Variants in CACNA1C observed in about 807,000 individuals in gnomAD.
CACNA1C encodes the protein voltage-dependent L-type calcium channel subunit alpha-1C.
Under a neutral mutation model 229.0 loss-of-function variants are expected in CACNA1C, and 30 were observed. That is an observed-to-expected ratio of 0.13 (90% CI 0.10 to 0.18). The LOEUF is 0.18. Ranked by LOEUF, CACNA1C falls within the 10% of genes least tolerant of loss-of-function variation. CACNA1C has a pLI of 1.00. For synonymous variants in CACNA1C, 1,114 were observed against 1,132.5 expected (o/e 0.98, Z 0.33); for missense variants, 1,658 against 2,845.0 (o/e 0.58, Z 9.49).
intron 29 of CACNA1C, among the ~76,000 whole-genome samples, chr12:2,617,246 A>T (rs896106072): frequency 8.5e-5 from 13 of 152,274 alleles, no homozygotes; most frequent in African/African-American, 3.1e-4. Context: ...GGTGAATGAG[A>T]TGCTACCAGA....
chr12:2,563,213 A>G (rs1364530358), intron 11 of CACNA1C, among the ~76,000 whole-genome samples: 2 of 152,192 alleles, frequency 1.3e-5, no homozygotes, highest in Non-Finnish European at 2.9e-5. Flanking sequence ...ACAGAATTTC[A>G]TTCTTTTTTA....
In CACNA1C at chr12:2,677,762, G is replaced by T. The variant is rs1181211424; in HGVS notation, c.4986G>T (p.Gly1662=). The T allele has an allele frequency of 1.9e-6, 3 of 1,613,890 alleles. No homozygotes were observed. In the East Asian group the frequency reaches 6.7e-5, roughly 36 times the overall value. The change falls in exon 41 of 47, where the codon GGG becomes GGT. Residue 1662 remains glycine (G), a synonymous_variant. Coordinates refer to ENST00000399655, the MANE Select transcript of CACNA1C (RefSeq NM_000719.7). This position sits in a 1 kb window ranked among gnomAD's most constrained non-coding sequence, Gnocchi z 7.4. Reference sequence around the variant, plus strand: ...GCTTGCGCACACTGCATGACATCGGGCCTGAGATCCGACGGGCCATCTCTG... The same window carrying T: ...GCTTGCGCACACTGCATGACATCGGTCCTGAGATCCGACGGGCCATCTCTG... The part of the protein sequence containing the change: ...QAGLRTLHDI[G]PEIRRAISGD...
chr12:2,551,864 T>A (rs2099904750), intron 10 of CACNA1C, among the ~76,000 whole-genome samples: 1 of 151,030 alleles, frequency 6.6e-6, no homozygotes, highest in Non-Finnish European at 1.5e-5. Context: ...GAGGCAGAAG[T>A]GAAATCTGAA....
chr12:2,442,595 T>C (rs1296031722), intron 3 of CACNA1C, among the ~76,000 whole-genome samples: 1 of 152,160 alleles, frequency 6.6e-6, no homozygotes, highest in East Asian at 1.9e-4. Context: ...CCAGCCTGTA[T>C]TGGGCCGTTG....
intron 3 of CACNA1C, among the ~76,000 whole-genome samples, chr12:2,252,489 A>G (rs553359643): frequency 2.5e-4 from 38 of 152,290 alleles, no homozygotes; most frequent in African/African-American, 7.2e-4. Flanking sequence ...GAAAGCAGCA[A>G]CCGTGCAGCT....
chr12:2,296,432 A>G (rs11615601), intron 3 of CACNA1C, among the ~76,000 whole-genome samples: 6,564 of 152,316 alleles, frequency 0.043, 176 homozygotes, highest in Middle Eastern at 0.065. Context: ...GGGGAGTCCA[A>G]GATCATTTGC....
chr12:2,651,834 T>C lies in CACNA1C; in HGVS notation c.4074+66T>C. The C allele has an allele frequency of 3.8e-6, 5 of 1,331,220 alleles. No homozygotes were observed. The highest frequency in any genetic ancestry group is 5.2e-6 in the Non-Finnish European group (5 of 968,822). The allele number at this position is 1,331,220 out of a possible 1,614,324, so 82.5% of individuals were successfully genotyped here. A position where few individuals can be genotyped will look rare whatever the true frequency, so the allele number is the denominator to read the frequency against. ...GCTGCCGCGTGGCCCAGAACACAGC[T>C]GACACAAGGAGGAGCCCTCCACTCT... On this transcript the variant is annotated intron_variant, in intron 32 of 46. Transcript: ENST00000399655. The surrounding 1 kb of genome is among the most constrained non-coding windows in gnomAD (Gnocchi z 5.4).
At chr12:2,147,166 G>C (rs944447859) in intron 3 of CACNA1C, among the ~76,000 whole-genome samples, 1 of 151,360 alleles carries the variant, frequency 6.6e-6, no homozygotes. Context: ...CTGAGAGAGG[G>C]GGGGAACCTC....
intron 3 of CACNA1C, among the ~76,000 whole-genome samples, chr12:2,196,561 A>G (rs1308779360): frequency 6.6e-6 from 1 of 152,252 alleles, no homozygotes; most frequent in Non-Finnish European, 1.5e-5. Flanking sequence ...AGTGCATAAC[A>G]CAGCTGACAC....
intron 5 of CACNA1C, among the ~76,000 whole-genome samples, chr12:2,469,076 G>T (rs2099576099): frequency 6.6e-6 from 1 of 152,186 alleles, no homozygotes; most frequent in Admixed American, 6.5e-5. Flanking sequence ...TGCCATTTCT[G>T]TTGGGGGTAC....
intron 1 of CACNA1C, among the ~76,000 whole-genome samples, chr12:2,065,522 G>GT (rs67597600): frequency 0.75 from 113,751 of 152,074 alleles, 43,200 homozygotes; most frequent in South Asian, 0.88. Context: ...TATCTTCAAG[G>GT]TACAGCCCTC....
chr12:2,498,130 C>T (rs1220403789), intron 7 of CACNA1C, among the ~76,000 whole-genome samples: 1 of 152,192 alleles, frequency 6.6e-6, no homozygotes, highest in Non-Finnish European at 1.5e-5. Flanking sequence ...TTCACAAAGC[C>T]ACCTCCTTTC....
At chr12:2,061,672 G>A (rs1312470376) in intron 1 of CACNA1C, among the ~76,000 whole-genome samples, 1 of 152,106 alleles carries the variant, frequency 6.6e-6, no homozygotes, top group Non-Finnish European at 1.5e-5. Context: ...GCCTGGCTTC[G>A]GCCTCAAGTC....
intron 43 of CACNA1C, among the ~76,000 whole-genome samples, chr12:2,683,535 C>A (rs1181910301): frequency 1.3e-5 from 2 of 152,208 alleles, no homozygotes; most frequent in African/African-American, 4.8e-5. Flanking sequence ...GGGCATATGT[C>A]ATTTCAATTT....
intron 3 of CACNA1C, among the ~76,000 whole-genome samples, chr12:2,383,335 T>G (rs74905168): frequency 0.056 from 8,565 of 152,256 alleles, 335 homozygotes; most frequent in South Asian, 0.086. Flanking sequence ...TTTCCCCCTT[T>G]GCCTGGTCTT....
chr12:2,025,735 A>G (rs727527), intron 1 of CACNA1C, among the ~76,000 whole-genome samples: 1 of 151,902 alleles, frequency 6.6e-6, no homozygotes, highest in African/African-American at 2.4e-5. Flanking sequence ...ATTCTCCCCA[A>G]ATTTCTTTCA....
chr12:2,147,995 T>C (rs1304496534), intron 3 of CACNA1C, among the ~76,000 whole-genome samples: 1 of 151,314 alleles, frequency 6.6e-6, no homozygotes, highest in African/African-American at 2.4e-5. Flanking sequence ...TCTAGGCTTC[T>C]AAAAATTGTA....
At chr12:2,611,576 G>T (rs138258547) in intron 28 of CACNA1C, among the ~76,000 whole-genome samples, 1 of 152,096 alleles carries the variant, frequency 6.6e-6, no homozygotes, top group South Asian at 2.1e-4. Context: ...AAGGTGTGGC[G>T]TGTGGAGGGA....
intron 3 of CACNA1C, among the ~76,000 whole-genome samples, chr12:2,309,385 G>T (rs993397851): frequency 6.6e-6 from 1 of 152,068 alleles, no homozygotes; most frequent in Non-Finnish European, 1.5e-5. Context: ...TATAAACTTG[G>T]CAATCTAATG....
Sources: allele counts gnomAD v4.1 joint callset (sites outside exome capture counted in the v4.1 genomes callset), GRCh38; gene constraint gnomAD v4.1.1; non-coding constraint Gnocchi (gnomAD v3.1); transcripts MANE v1.5; gene names NCBI Gene and HGNC (gene_info 2026-07-23, HGNC 2026-07-21).